Variants in KIAA0513 observed in about 807,000 individuals in gnomAD.
KIAA0513 encodes uncharacterized protein KIAA0513.
A neutral mutation model predicts 56.5 loss-of-function variants in KIAA0513; 39 were observed. The observed-to-expected ratio is 0.69, with a 90% CI of 0.53 to 0.90. KIAA0513 has a LOEUF of 0.90. Ranked by LOEUF, KIAA0513 falls within the 40% of genes least tolerant of loss-of-function variation. KIAA0513 has a pLI of 0.00. For missense variants in KIAA0513, 591 were observed against 535.2 expected (o/e 1.10, Z -1.03); for synonymous variants, 268 against 215.6 (o/e 1.24, Z -2.13).
At chr16:85,065,645 T>C (rs11649284) in intron 1 of KIAA0513, among the ~76,000 whole-genome samples, 26,782 of 152,192 alleles carry the variant, frequency 0.18, 4,028 homozygotes, top group African/African-American at 0.41. Flanking sequence ...CCTCTGAAGA[T>C]GCGTTCAGTT....
At position 85,087,182 on chromosome 16, in the gene KIAA0513, G is replaced by T; in HGVS notation, c.1186+16G>T. On this transcript the variant is annotated intron_variant, in intron 12 of 12. Coordinates refer to ENST00000683363, the MANE Select transcript of KIAA0513 (RefSeq NM_001388359.1). ...CTGGATGAAGGTGCGTCTGGGGGAG[G>T]CTGCTGGCAGGAGGCGGGCAGGGCT... 6.2e-7 allele frequency: 1 copy of T among 1,607,982 alleles called. No individual in the cohort carries two copies. The highest frequency in any genetic ancestry group is 1.1e-5 in the South Asian group (1 of 90,952).
chr16:85,064,768 C>G (rs1040061219), intron 1 of KIAA0513, among the ~76,000 whole-genome samples: 17 of 152,132 alleles, frequency 1.1e-4, no homozygotes, highest in Non-Finnish European at 2.2e-4. Context: ...TCACTGCAAC[C>G]TCCGCCTCCT....
chr16:85,084,418 C>G (rs1165295925), intron 10 of KIAA0513, among the ~76,000 whole-genome samples: 1 of 110,034 alleles, frequency 9.1e-6, no homozygotes, highest in Non-Finnish European at 1.8e-5. Context: ...GCTAATTTTT[C>G]TTTTCGTTCT....
At chr16:85,039,497 T>A (rs1462887021) in intron 1 of KIAA0513, among the ~76,000 whole-genome samples, 1 of 152,008 alleles carries the variant, frequency 6.6e-6, no homozygotes, top group African/African-American at 2.4e-5. Context: ...AGAGATGGGG[T>A]TTTGCTGTGT....
At chr16:85,078,818 C>T (rs1403634504) in intron 7 of KIAA0513, 107 bp from the exon 8 acceptor site, 11 of 1,210,356 alleles carry the variant, frequency 9.1e-6, no homozygotes, top group Admixed American at 3.4e-5. Context: ...TCACGTGTTT[C>T]AGTGACATTC....
chr16:85,059,168 C>T (rs1042089393), intron 1 of KIAA0513, among the ~76,000 whole-genome samples: 2 of 152,204 alleles, frequency 1.3e-5, no homozygotes, highest in African/African-American at 4.8e-5. Flanking sequence ...CTCTTTTTGG[C>T]TCAGATAGGG....
At chr16:85,060,645 T>G (rs1274882027) in intron 1 of KIAA0513, among the ~76,000 whole-genome samples, 1 of 151,628 alleles carries the variant, frequency 6.6e-6, no homozygotes, top group Non-Finnish European at 1.5e-5. Context: ...TTGAGACAAA[T>G]CTGGGCAACA....
rs2073649240 is a variant in KIAA0513, at chr16:85,075,911, A to G, written c.571A>G (p.Ile191Val). The G allele has an allele frequency of 1.9e-6, 3 of 1,612,688 alleles. No homozygotes were observed. Among genetic ancestry groups the G allele is most frequent in the African/African-American group, 1.3e-5 (1 of 74,894 alleles). The change falls in exon 5 of 13, where the codon ATC becomes GTC. Residue 191 changes from isoleucine (I) to valine (V), a missense_variant. Transcript: ENST00000683363. ...GACCATGTGCTTCACCTACTACCAC[A>G]TCGGTAAGACATGGGTGGGCTGATG... ...LMTMCFTYYH[I>V]GKPQLLPPES...
At chr16:85,087,920 G>A (rs1013791937) in intron 12 of KIAA0513, among the ~76,000 whole-genome samples, 3 of 152,202 alleles carry the variant, frequency 2.0e-5, no homozygotes, top group Non-Finnish European at 4.4e-5. Context: ...CACCTCTCCC[G>A]CTCCCCAGGT....
intron 1 of KIAA0513, among the ~76,000 whole-genome samples, chr16:85,043,580 C>T (rs34183884): frequency 0.39 from 58,332 of 151,370 alleles, 12,294 homozygotes; most frequent in African/African-American, 0.56. Context: ...CCCGACTAAT[C>T]TTTCATATTC....
chr16:85,082,696 A>T, intron 10 of KIAA0513, 103 bp downstream of exon 10: 1 of 1,246,288 alleles, frequency 8.0e-7, no homozygotes, highest in Non-Finnish European at 1.1e-6. Context: ...TGCAGCAGGC[A>T]CAGCCCAGAC....
At chr16:85,083,014 G>C (rs1364784540) in intron 10 of KIAA0513, among the ~76,000 whole-genome samples, 1 of 152,236 alleles carries the variant, frequency 6.6e-6, no homozygotes, top group Non-Finnish European at 1.5e-5. Flanking sequence ...GTTCACACTG[G>C]AGAAGTGGGT....
chr16:85,045,255 C>T (rs1171788898), intron 1 of KIAA0513, among the ~76,000 whole-genome samples: 2 of 152,230 alleles, frequency 1.3e-5, no homozygotes, highest in African/African-American at 4.8e-5. Flanking sequence ...GGGGCTACCA[C>T]ACATGCCTGG....
At chr16:85,083,084 C>G (rs898889317) in intron 10 of KIAA0513, among the ~76,000 whole-genome samples, 1 of 152,190 alleles carries the variant, frequency 6.6e-6, no homozygotes, top group Non-Finnish European at 1.5e-5. Flanking sequence ...GCAACACCAC[C>G]CACTCTTGGG....
intron 6 of KIAA0513, among the ~76,000 whole-genome samples, chr16:85,078,083 C>T (rs2291969): frequency 0.06 from 9,146 of 152,194 alleles, 446 homozygotes; most frequent in East Asian, 0.23. Context: ...GCTAAGACTT[C>T]CACAAGGAAG....
intron 1 of KIAA0513, among the ~76,000 whole-genome samples, chr16:85,053,790 A>C (rs193057807): frequency 2.8e-4 from 42 of 152,226 alleles, no homozygotes; most frequent in African/African-American, 9.9e-4. Context: ...TCAAAAGATC[A>C]AGACCATTCT....
chr16:85,049,496 C>T (rs559783652), intron 1 of KIAA0513, among the ~76,000 whole-genome samples: 12 of 152,240 alleles, frequency 7.9e-5, no homozygotes, highest in East Asian at 7.7e-4. Context: ...ATCACGGGGG[C>T]GAATTTCTCA....
At chr16:85,052,592 C>T (rs1050525032) in intron 1 of KIAA0513, among the ~76,000 whole-genome samples, 4 of 152,182 alleles carry the variant, frequency 2.6e-5, no homozygotes, top group Non-Finnish European at 4.4e-5. Flanking sequence ...TTCAGGATAG[C>T]AATGAGTATA....
chr16:85,033,004 G>A (rs1178486261), intron 1 of KIAA0513, among the ~76,000 whole-genome samples: 2 of 152,126 alleles, frequency 1.3e-5, no homozygotes, highest in African/African-American at 4.8e-5. Context: ...GGGTCCAGGG[G>A]TTGCGGCGGG....
Sources: gnomAD v4.1 joint callset for allele counts (sites outside exome capture counted in the v4.1 genomes callset) on GRCh38, gnomAD v4.1.1 for gene constraint, MANE v1.5 for transcripts, NCBI Gene and HGNC (gene_info 2026-07-23, HGNC 2026-07-21) for gene names.